KCTD16: variants seen among roughly 807,000 people sequenced by gnomAD.
KCTD16 encodes potassium channel tetramerization domain containing 16.
Under a neutral mutation model 33.2 loss-of-function variants are expected in KCTD16, and 13 were observed. The ratio of observed to expected loss-of-function variants is 0.39; its 90% CI spans 0.25 to 0.62. The LOEUF is 0.62. Ranked by LOEUF, KCTD16 falls within the 20% of genes least tolerant of loss-of-function variation. The pLI is 0.50. For synonymous variants in KCTD16, 197 were observed against 195.3 expected (o/e 1.01, Z -0.07); for missense variants, 441 against 525.1 (o/e 0.84, Z 1.57).
intron 2 of KCTD16, among the ~76,000 whole-genome samples, chr5:144,175,699 C>T (rs1377433892): frequency 6.6e-6 from 1 of 152,184 alleles, no homozygotes; most frequent in Non-Finnish European, 1.5e-5. Context: ...TTTATTTAAA[C>T]TCTTTGTGCC....
At chr5:144,445,130 T>C (rs893431261) in intron 3 of KCTD16, among the ~76,000 whole-genome samples, 2 of 151,918 alleles carry the variant, frequency 1.3e-5, no homozygotes, top group African/African-American at 4.8e-5. Flanking sequence ...CTACTTTTTA[T>C]ATTTGACATT....
intron 3 of KCTD16, among the ~76,000 whole-genome samples, chr5:144,418,822 G>A (rs1050705703): frequency 1.3e-5 from 2 of 152,066 alleles, no homozygotes; most frequent in Non-Finnish European, 1.5e-5. Context: ...GATGTATATC[G>A]AGTTGTATCA....
At chr5:144,451,138 C>G (rs931694342) in intron 3 of KCTD16, among the ~76,000 whole-genome samples, 3 of 151,884 alleles carry the variant, frequency 2.0e-5, no homozygotes, top group African/African-American at 7.3e-5. Flanking sequence ...TTTTTAGAAT[C>G]TATTACCCTC....
chr5:144,415,423 A>G (rs1753025930), intron 3 of KCTD16, among the ~76,000 whole-genome samples: 1 of 152,138 alleles, frequency 6.6e-6, no homozygotes, highest in South Asian at 2.1e-4. Context: ...AGGGATGAGG[A>G]GGGACTGGGA....
At chr5:144,444,970 T>A (rs1319027608) in intron 3 of KCTD16, among the ~76,000 whole-genome samples, 1 of 149,798 alleles carries the variant, frequency 6.7e-6, no homozygotes, top group African/African-American at 2.4e-5. Flanking sequence ...AGTGTTATAT[T>A]ACATATATTA....
chr5:144,306,862 G>A (rs892209883), intron 3 of KCTD16, among the ~76,000 whole-genome samples: 22 of 152,218 alleles, frequency 1.4e-4, no homozygotes, highest in Admixed American at 9.8e-4. Flanking sequence ...TGGGAACTTC[G>A]TTGCTGTACT....
At chr5:144,420,877 T>C (rs1046043289) in intron 3 of KCTD16, among the ~76,000 whole-genome samples, 3 of 152,156 alleles carry the variant, frequency 2.0e-5, no homozygotes, top group East Asian at 1.9e-4. Context: ...CCTGATGGCA[T>C]TGGTTTGGAT....
intron 3 of KCTD16, among the ~76,000 whole-genome samples, chr5:144,266,837 AT>A (rs1755158308): frequency 6.6e-6 from 1 of 152,118 alleles, no homozygotes; most frequent in Non-Finnish European, 1.5e-5. Context: ...GAAAAAATTC[AT>A]TGAAGCAGAC....
chr5:144,338,224 A>C (rs1405701338), intron 3 of KCTD16, among the ~76,000 whole-genome samples: 1 of 152,168 alleles, frequency 6.6e-6, no homozygotes, highest in Non-Finnish European at 1.5e-5. Flanking sequence ...CTGGGAAAAA[A>C]TGTTCTTAAA....
intron 3 of KCTD16, among the ~76,000 whole-genome samples, chr5:144,264,711 G>A (rs1312865998): frequency 1.3e-5 from 2 of 152,180 alleles, no homozygotes; most frequent in Non-Finnish European, 2.9e-5. Flanking sequence ...AGGTCAAGAA[G>A]CAGTGAGCTG....
chr5:144,479,801 A>C lies in KCTD16; in HGVS notation c.*5687A>C, dbSNP rs1561624644. 1 of 151,922 alleles carries C rather than the reference A, an allele frequency of 6.6e-6. No homozygotes were observed. The highest frequency in any genetic ancestry group is 2.4e-5 in the African/African-American group (1 of 41,410). The allele number at this position is 151,922 out of a possible 1,614,324, so 9.4% of individuals were successfully genotyped here. On this transcript the variant is annotated 3_prime_UTR_variant, in exon 4 of 4. Transcript: ENST00000512467. ...TAAGTTCCCAGACTGTCATCCTTGCATTATTTAGGAAATTTACTTTTAAAA... is the reference window on the plus strand; with the variant it reads ...TAAGTTCCCAGACTGTCATCCTTGCCTTATTTAGGAAATTTACTTTTAAAA...
chr5:144,229,561 T>C (rs1259533227), intron 3 of KCTD16, among the ~76,000 whole-genome samples: 1 of 152,218 alleles, frequency 6.6e-6, no homozygotes, highest in African/African-American at 2.4e-5. Flanking sequence ...TATTATTTCA[T>C]CTTAATAATG....
At position 144,476,238 on chromosome 5, in the gene KCTD16, T is replaced by C. The variant is rs191472651; in HGVS notation, c.*2124T>C. 3 of 152,288 alleles carry C rather than the reference T, an allele frequency of 2.0e-5. No individual in the cohort carries two copies. The East Asian group carries it at 5.8e-4, about 29-fold the overall frequency. The allele number at this position is 152,288 out of a possible 1,614,324, so 9.4% of individuals were successfully genotyped here. ...TCACTTTGGTCAAATGATTATTGTG[T>C]TGTCACTGGAAGTACTGTCAAAGAC... On this transcript the variant is annotated 3_prime_UTR_variant, in exon 4 of 4. Coordinates refer to ENST00000512467, the MANE Select transcript of KCTD16 (RefSeq NM_020768.4).
intron 3 of KCTD16, among the ~76,000 whole-genome samples, chr5:144,282,364 A>ATT (rs146636203): frequency 6.7e-6 from 1 of 149,248 alleles, no homozygotes; most frequent in African/African-American, 2.4e-5. Context: ...TGCCTTATCC[A>ATT]TTTTTTTTTT....
At chr5:144,229,424 A>T (rs1234297964) in intron 3 of KCTD16, among the ~76,000 whole-genome samples, 1 of 152,202 alleles carries the variant, frequency 6.6e-6, no homozygotes, top group Non-Finnish European at 1.5e-5. Flanking sequence ...AGGGTCAATG[A>T]ATGAATAATG....
At chr5:144,270,687 T>C (rs1425049206) in intron 3 of KCTD16, among the ~76,000 whole-genome samples, 1 of 149,012 alleles carries the variant, frequency 6.7e-6, no homozygotes, top group African/African-American at 2.4e-5. Context: ...ATAACAAAGT[T>C]AGAGAAGAGA....
At chr5:144,418,315 C>A (rs975635198) in intron 3 of KCTD16, among the ~76,000 whole-genome samples, 2 of 152,098 alleles carry the variant, frequency 1.3e-5, no homozygotes, top group African/African-American at 4.8e-5. Flanking sequence ...GCTTTTATTA[C>A]CTTATTTGGC....
intron 3 of KCTD16, among the ~76,000 whole-genome samples, chr5:144,353,046 C>G (rs1751481758): frequency 6.6e-6 from 1 of 152,146 alleles, no homozygotes; most frequent in African/African-American, 2.4e-5. Flanking sequence ...AGGAACAGAC[C>G]TGACAAAATC....
intron 3 of KCTD16, among the ~76,000 whole-genome samples, chr5:144,423,227 G>A (rs148789038): frequency 3.3e-5 from 5 of 152,166 alleles, no homozygotes; most frequent in South Asian, 4.1e-4. Flanking sequence ...CAAAGACACC[G>A]GTCACATAAG....
Sources: allele counts gnomAD v4.1 joint callset (sites outside exome capture counted in the v4.1 genomes callset), GRCh38; gene constraint gnomAD v4.1.1; transcripts MANE v1.5; gene names NCBI Gene and HGNC (gene_info 2026-07-23, HGNC 2026-07-21).